Variants in SV2B observed in about 807,000 individuals in gnomAD.
SV2B encodes solute carrier family 22 member B2.
Under a neutral mutation model 73.9 loss-of-function variants are expected in SV2B, and 41 were observed. The ratio of observed to expected loss-of-function variants is 0.56; its 90% CI spans 0.43 to 0.72. SV2B has a LOEUF of 0.72. SV2B is among the 30% of genes least tolerant of loss of function. The probability of loss-of-function intolerance (pLI) is 0.00; values close to 1 mark genes in which losing one functional copy is unlikely to be tolerated. For missense variants in SV2B, 764 were observed against 857.8 expected (o/e 0.89, Z 1.37); for synonymous variants, 314 against 314.2 (o/e 1.00, Z 0.01).
chr15:91,221,690 T>TGTGCACGC (rs142861264), intron 1 of SV2B, among the ~76,000 whole-genome samples: 143 of 111,050 alleles, frequency 1.3e-3, no homozygotes, highest in African/African-American at 2.0e-3. Flanking sequence ...ACCAAGCATG[T>TGTGCACGC]GCGCACACAC....
chr15:91,122,768 A>G lies in SV2B; in HGVS notation c.-392+22405A>G, dbSNP rs978074620. 6.6e-6 allele frequency among the ~76,000 whole-genome samples: 1 copy of G among 152,242 alleles called. No individual in the cohort carries two copies. Among genetic ancestry groups the G allele is most frequent in the Non-Finnish European group, 1.5e-5 (1 of 68,052 alleles). Reference sequence around the variant, plus strand: ...ATACGCCGGGCACAGAGAGACAAACACTGCCTGATCTCACTGATAAACGGA... The same window carrying G: ...ATACGCCGGGCACAGAGAGACAAACGCTGCCTGATCTCACTGATAAACGGA... On this transcript the variant is annotated intron_variant, in intron 1 of 12. Coordinates refer to ENST00000394232, the MANE Select transcript of SV2B (RefSeq NM_001323032.3). This position sits in a 1 kb window ranked among gnomAD's most constrained non-coding sequence, Gnocchi z 4.3.
Position 91,297,806 on chromosome 15 carries a change from C to T in SV2B, c.*5254C>T, listed in dbSNP as rs2049303901. 6.6e-6 allele frequency: 1 copy of T among 152,198 alleles called. No homozygotes were observed. Among genetic ancestry groups the T allele is most frequent in the South Asian group, 2.1e-4 (1 of 4,826 alleles). 9.4% of individuals were successfully genotyped at this position (152,198 alleles called of 1,614,324 possible). On this transcript the variant is annotated 3_prime_UTR_variant, in exon 13 of 13. Transcript: ENST00000394232. This position sits in a 1 kb window ranked among gnomAD's most constrained non-coding sequence, Gnocchi z 5.1. ...AAAATGTCAATGAAAATATTTCCTT[C>T]CCCAGAAACTGCTTGGTTTCACTCA...
intron 1 of SV2B, among the ~76,000 whole-genome samples, chr15:91,189,861 G>A (rs1013760253): frequency 2.6e-5 from 4 of 151,916 alleles, no homozygotes; most frequent in African/African-American, 9.7e-5. Flanking sequence ...AATGGCGGGC[G>A]CCTGTAGTTC....
chr15:91,249,706 A>G (rs1223724887), intron 2 of SV2B, among the ~76,000 whole-genome samples: 1 of 152,250 alleles, frequency 6.6e-6, no homozygotes, highest in Non-Finnish European at 1.5e-5. Flanking sequence ...CCACAGAAAT[A>G]TGAAGGATCA....
chr15:91,199,308 C>T (rs2045376426), intron 1 of SV2B, among the ~76,000 whole-genome samples: 1 of 152,154 alleles, frequency 6.6e-6, no homozygotes, highest in Non-Finnish European at 1.5e-5. Flanking sequence ...GAGTGACCGG[C>T]AGTGAGGTTT....
intron 1 of SV2B, among the ~76,000 whole-genome samples, chr15:91,113,685 GT>G (rs1209025683): frequency 6.6e-6 from 1 of 152,030 alleles, no homozygotes; most frequent in Non-Finnish European, 1.5e-5. Context: ...TTCTCTCATT[GT>G]TTCTGACTTC....
At chr15:91,204,302 C>T (rs2045561328) in intron 1 of SV2B, among the ~76,000 whole-genome samples, 1 of 152,112 alleles carries the variant, frequency 6.6e-6, no homozygotes, top group African/African-American at 2.4e-5. Flanking sequence ...TAAAATTTAA[C>T]TCAGTTCCTT....
chr15:91,163,556 T>G (rs1567304823), intron 1 of SV2B, among the ~76,000 whole-genome samples: 1 of 152,258 alleles, frequency 6.6e-6, no homozygotes, highest in Non-Finnish European at 1.5e-5. Context: ...GCTGTGTAAA[T>G]GTCTTCTTTT....
intron 9 of SV2B, among the ~76,000 whole-genome samples, chr15:91,272,569 G>C (rs1301618068): frequency 6.6e-6 from 1 of 152,110 alleles, no homozygotes; most frequent in Non-Finnish European, 1.5e-5. Flanking sequence ...TGCTCACTCA[G>C]ATGATTTGCC....
chr15:91,177,245 A>G (rs2044347897), intron 1 of SV2B, among the ~76,000 whole-genome samples: 1 of 151,824 alleles, frequency 6.6e-6, no homozygotes, highest in South Asian at 2.1e-4. Flanking sequence ...TGTTCCATTG[A>G]TCTATATCTC....
At position 91,292,643 on chromosome 15, in the gene SV2B, C is replaced by T. The variant is rs919321375; in HGVS notation, c.*91C>T. 4.8e-6 allele frequency: 7 copies of T among 1,446,226 alleles called. No homozygotes were observed. The highest frequency in any genetic ancestry group is 4.8e-5 in the East Asian group (2 of 41,916). 89.6% of individuals were successfully genotyped at this position (1,446,226 alleles called of 1,614,324 possible). ...CCTGCCTATCACGGTCCGGAGGACA[C>T]CTTGGATAGCACGGGAGGAGAAGTT... is the stretch of plus-strand genomic sequence containing the variant. On this transcript the variant is annotated 3_prime_UTR_variant, in exon 13 of 13. Transcript: ENST00000394232.
At chr15:91,182,852 G>A (rs1407097192) in intron 1 of SV2B, among the ~76,000 whole-genome samples, 1 of 152,178 alleles carries the variant, frequency 6.6e-6, no homozygotes, top group East Asian at 1.9e-4. Flanking sequence ...AAACTCAAAT[G>A]CATGTAGATG....
chr15:91,184,021 A>G (rs1393987089), intron 1 of SV2B, among the ~76,000 whole-genome samples: 1 of 152,212 alleles, frequency 6.6e-6, no homozygotes, highest in Admixed American at 6.5e-5. Context: ...TGTTAAGAAA[A>G]CACTGTATCC....
intron 4 of SV2B, among the ~76,000 whole-genome samples, chr15:91,256,082 C>A (rs1350085437): frequency 6.6e-6 from 1 of 152,004 alleles, no homozygotes; most frequent in Admixed American, 6.6e-5. Flanking sequence ...CCTGTGAACT[C>A]ACGGGTAAAG....
At chr15:91,131,144 C>CTTG (rs1459165112) in intron 1 of SV2B, among the ~76,000 whole-genome samples, 1 of 102,292 alleles carries the variant, frequency 9.8e-6, no homozygotes, top group African/African-American at 3.6e-5. Context: ...AAGATGTTTT[C>CTTG]TTGTTTTTTT....
intron 1 of SV2B, among the ~76,000 whole-genome samples, chr15:91,176,717 T>G (rs952773791): frequency 1.3e-5 from 2 of 151,776 alleles, no homozygotes; most frequent in African/African-American, 4.8e-5. Flanking sequence ...TCATATCCTT[T>G]GCCCACTTTT....
intron 1 of SV2B, among the ~76,000 whole-genome samples, chr15:91,162,491 A>G (rs1165960967): frequency 1.3e-5 from 2 of 151,496 alleles, no homozygotes; most frequent in African/African-American, 2.4e-5. Context: ...TTCTTGTGTA[A>G]CAAATTACCA....
At chr15:91,108,943 C>T (rs565129476) in intron 1 of SV2B, among the ~76,000 whole-genome samples, 3 of 152,338 alleles carry the variant, frequency 2.0e-5, no homozygotes, top group Admixed American at 6.5e-5. Context: ...GCTCCACCCA[C>T]CTCCTGTTCC....
intron 1 of SV2B, among the ~76,000 whole-genome samples, chr15:91,193,101 A>G (rs1188940680): frequency 1.3e-5 from 2 of 152,136 alleles, no homozygotes; most frequent in Non-Finnish European, 1.5e-5. Context: ...TTGGGCATCT[A>G]TCTTTGTTTG....
Sources: gnomAD v4.1 joint callset for allele counts (sites outside exome capture counted in the v4.1 genomes callset) on GRCh38, gnomAD v4.1.1 for gene constraint, Gnocchi (gnomAD v3.1) non-coding constraint, MANE v1.5 for transcripts, NCBI Gene and HGNC (gene_info 2026-07-23, HGNC 2026-07-21) for gene names.